ZNF277: variants seen among roughly 807,000 people sequenced by gnomAD.
ZNF277 encodes the protein zinc finger protein 277.
ZNF277 carries 55 observed loss-of-function variants against 60.7 expected under a neutral mutation model. The ratio of observed to expected loss-of-function variants is 0.91; its 90% CI spans 0.73 to 1.13. ZNF277 has a LOEUF of 1.13. Among genes scored for constraint, ZNF277 ranks in the 50% most tolerant of loss-of-function variants. ZNF277 has a pLI of 0.00. For missense variants in ZNF277, 510 were observed against 523.0 expected, an observed-to-expected ratio of 0.98 and a Z score of 0.24; for synonymous variants, 178 against 179.3, an observed-to-expected ratio of 0.99 and a Z score of 0.06.
In ZNF277 at chr7:112,343,875, G is replaced by A. The variant is rs1238315464; in HGVS notation, c.*1146G>A. Among the ~76,000 whole-genome samples the A allele has an allele frequency of 2.7e-5, 4 of 147,692 alleles. No homozygotes were observed. The highest frequency in any genetic ancestry group is 7.5e-5 in the African/African-American group (3 of 39,814). ...CAGGAGGCAAAAGTTGCAGTGAGCC[G>A]AGATCACACCACTGCAGTTCAGCCT... On this transcript the variant is annotated 3_prime_UTR_variant, in exon 12 of 12. Transcript: ENST00000361822.
In ZNF277 at chr7:112,274,061, CTT is replaced by C. The variant is rs1193477861; in HGVS notation, c.92-12811_92-12810del. Among the ~76,000 whole-genome samples, 25 of 148,516 alleles carry C rather than the reference CTT, an allele frequency of 1.7e-4. 1 individual carries two copies. Among genetic ancestry groups the C allele is most frequent in the South Asian group, 6.4e-4 (3 of 4,708 alleles). On this transcript the variant is annotated intron_variant, in intron 1 of 11. Transcript: ENST00000361822. ...GTATGAGATATATATATATATATAT[CTT>C]GTTAGAAAAGTTTGAGAAATTCACA... is the stretch of plus-strand genomic sequence containing the variant.
chr7:112,310,898 A>T (rs1486522787), intron 4 of ZNF277, among the ~76,000 whole-genome samples: 1 of 152,094 alleles, frequency 6.6e-6, no homozygotes, highest in African/African-American at 2.4e-5. Flanking sequence ...CATTTAGCCA[A>T]GAAACTCTAT....
rs935009744 is a variant in ZNF277 at position 112,343,921 on chromosome 7, G to A, written c.*1192G>A. The stretch of plus-strand genomic sequence containing the variant: ...AGCCTGGGCAACAGACCAAGACTCT[G>A]TCTCAAAAAAAGGAAAAAAAAAAAA... On this transcript the variant is annotated 3_prime_UTR_variant, in exon 12 of 12. Coordinates refer to ENST00000361822, the MANE Select transcript of ZNF277 (RefSeq NM_021994.3). Among the ~76,000 whole-genome samples the A allele has an allele frequency of 1.4e-5, 2 of 139,958 alleles. No individual in the cohort carries two copies. Among genetic ancestry groups the A allele is most frequent in the African/African-American group, 5.6e-5 (2 of 35,974 alleles). The allele number at this position is 139,958 out of a possible 152,430, so 91.8% of individuals were successfully genotyped here.
chr7:112,291,576 G>A (rs1792207450), intron 2 of ZNF277, among the ~76,000 whole-genome samples: 1 of 152,100 alleles, frequency 6.6e-6, no homozygotes, highest in Admixed American at 6.5e-5. Flanking sequence ...AAATACAGAA[G>A]AGAAGTACTA....
At chr7:112,207,235 G>A (rs1034409368) in intron 1 of ZNF277, among the ~76,000 whole-genome samples, 6 of 152,194 alleles carry the variant, frequency 3.9e-5, no homozygotes, top group Non-Finnish European at 8.8e-5. Flanking sequence ...CCTCGCAGGT[G>A]TGTTTTATTT....
rs559086307 is a variant in ZNF277 at position 112,332,892 on chromosome 7, T to C, written c.801+2676T>C. Reference sequence around the variant, plus strand: ...TGCTTACCAGAGGTATCAGGCTTAGTAACATTCTAGGAATATTTGAAGGAA... The same window carrying C: ...TGCTTACCAGAGGTATCAGGCTTAGCAACATTCTAGGAATATTTGAAGGAA... On this transcript the variant is annotated intron_variant, in intron 7 of 11. Transcript: ENST00000361822. Among the ~76,000 whole-genome samples, 10 of 152,288 alleles carry C rather than the reference T, an allele frequency of 6.6e-5. No individual in the cohort carries two copies. The East Asian group carries it at 1.9e-3, about 29-fold the overall frequency.
chr7:112,263,745 C>T (rs1466171048), intron 1 of ZNF277, among the ~76,000 whole-genome samples: 1 of 152,160 alleles, frequency 6.6e-6, no homozygotes, highest in African/African-American at 2.4e-5. Flanking sequence ...ATTTGCTTTC[C>T]ATGCCAGTGG....
intron 1 of ZNF277, among the ~76,000 whole-genome samples, chr7:112,211,303 T>C (rs1041281438): frequency 5.3e-5 from 8 of 152,232 alleles, no homozygotes. Flanking sequence ...GTACTGAATT[T>C]GATCAGTTAG....
chr7:112,337,714 CT>C lies in ZNF277; in HGVS notation c.870-15del, dbSNP rs1161424298. On this transcript the variant is annotated splice_polypyrimidine_tract_variant and intron_variant, in intron 8 of 11. Transcript: ENST00000361822. The stretch of plus-strand genomic sequence containing the variant: ...GAAGGGAATCTCCGTATTTTCTCTC[CT>C]CTTTTTTAATTCAGTGACTGGTCTG... 5.6e-6 allele frequency: 9 copies of C among 1,606,738 alleles called. No individual in the cohort carries two copies. In the East Asian group the frequency reaches 2.0e-4, roughly 36 times the overall value.
Position 112,327,778 on chromosome 7 carries a change from A to C in ZNF277, c.619A>C (p.Ile207Leu), listed in dbSNP as rs771628379. Reference protein sequence around the residue: ...HAFNIGLPDNIVNCNEFLCTL... With the variant: ...HAFNIGLPDNLVNCNEFLCTL... ...TTTCAACATTGGATTGCCAGACAAC[A>C]TTGTAAACTGCAATGAATTTTTGTG... The change falls in exon 6 of 12, where the codon ATT (isoleucine) becomes CTT (leucine). Residue 207 changes from isoleucine to leucine, a missense_variant. Transcript: ENST00000361822. The C allele has an allele frequency of 6.2e-7, 1 of 1,612,380 alleles. No homozygotes were observed. The highest frequency in any genetic ancestry group is 8.5e-7 in the Non-Finnish European group (1 of 1,179,468).
chr7:112,312,610 GAAGA>G (rs1411775350), intron 4 of ZNF277, among the ~76,000 whole-genome samples: 2 of 152,080 alleles, frequency 1.3e-5, no homozygotes, highest in Non-Finnish European at 2.9e-5. Context: ...GCGTGCATGT[GAAGA>G]GAGAGAAAGA....
intron 1 of ZNF277, among the ~76,000 whole-genome samples, chr7:112,240,237 C>T (rs982322152): frequency 1.1e-4 from 17 of 151,918 alleles, no homozygotes; most frequent in African/African-American, 3.4e-4. Flanking sequence ...AATAAAATGA[C>T]GGGATATCAA....
chr7:112,221,168 A>G (rs1166582567), intron 1 of ZNF277, among the ~76,000 whole-genome samples: 2 of 152,122 alleles, frequency 1.3e-5, no homozygotes, highest in Admixed American at 6.5e-5. Flanking sequence ...AAGGCTGGCC[A>G]TCGTTCCTGC....
chr7:112,332,600 T>G (rs968841588), intron 7 of ZNF277, among the ~76,000 whole-genome samples: 4 of 152,346 alleles, frequency 2.6e-5, no homozygotes, highest in African/African-American at 4.8e-5. Context: ...CTGACTTTAA[T>G]CAGCACTTTA....
chr7:112,299,619 A>G (rs1354604569), intron 4 of ZNF277, among the ~76,000 whole-genome samples: 1 of 152,224 alleles, frequency 6.6e-6, no homozygotes, highest in Non-Finnish European at 1.5e-5. Flanking sequence ...ATACTTTATC[A>G]AACAATTTTT....
chr7:112,313,495 G>A (rs2117104288), intron 4 of ZNF277, among the ~76,000 whole-genome samples: 1 of 151,930 alleles, frequency 6.6e-6, no homozygotes, highest in South Asian at 2.1e-4. Flanking sequence ...TGTTGCCCAG[G>A]CTGTGTTTAT....
chr7:112,242,821 A>T (rs7795136), intron 1 of ZNF277, among the ~76,000 whole-genome samples: 140,370 of 152,104 alleles, frequency 0.92, 64,987 homozygotes, highest in Middle Eastern at 0.98. Context: ...AAAAAGATTT[A>T]AAAATTCACA....
intron 5 of ZNF277, among the ~76,000 whole-genome samples, chr7:112,324,604 C>G (rs1023827668): frequency 6.6e-6 from 1 of 152,190 alleles, no homozygotes; most frequent in Non-Finnish European, 1.5e-5. Context: ...TACCAACCAG[C>G]AACTGTGGCT....
chr7:112,255,753 C>G (rs1187278815), intron 1 of ZNF277, among the ~76,000 whole-genome samples: 1 of 152,296 alleles, frequency 6.6e-6, no homozygotes, highest in South Asian at 2.1e-4. Flanking sequence ...CAATTGCTTC[C>G]TTATTGGAGT....
Sources: allele counts gnomAD v4.1 joint callset (sites outside exome capture counted in the v4.1 genomes callset), GRCh38; gene constraint gnomAD v4.1.1; transcripts MANE v1.5; gene names NCBI Gene and HGNC (gene_info 2026-07-23, HGNC 2026-07-21).